Variants in RAPGEF5 observed in about 807,000 individuals in gnomAD.
The protein encoded by RAPGEF5 is Rap guanine nucleotide exchange factor 5, also known as M-Ras-regulated GEF.
A neutral mutation model predicts 125.2 loss-of-function variants in RAPGEF5; 65 were observed. The observed-to-expected ratio is 0.52, with a 90% CI of 0.43 to 0.64. The LOEUF is 0.64. Ranked by LOEUF, RAPGEF5 falls within the 30% of genes least tolerant of loss-of-function variation. RAPGEF5 has a pLI of 0.00. For synonymous variants in RAPGEF5, 391 were observed against 385.9 expected (o/e 1.01, Z -0.16); for missense variants, 958 against 1,048.1 (o/e 0.91, Z 1.19).
intron 1 of RAPGEF5, 134 bp downstream of exon 1, chr7:22,356,696 G>T: frequency 2.5e-6 from 1 of 398,206 alleles, no homozygotes; most frequent in Non-Finnish European, 3.6e-6. Context: ...CCCCTCTTCA[G>T]CCGAGTCCGG....
chr7:22,216,900 T>G (rs983780443), intron 9 of RAPGEF5, among the ~76,000 whole-genome samples: 2 of 152,222 alleles, frequency 1.3e-5, no homozygotes, highest in Non-Finnish European at 2.9e-5. Flanking sequence ...CATTTAGCAG[T>G]TAAGAAAATA....
chr7:22,351,213 T>C (rs1316575106), intron 1 of RAPGEF5, among the ~76,000 whole-genome samples: 1 of 152,172 alleles, frequency 6.6e-6, no homozygotes, highest in Non-Finnish European at 1.5e-5. Flanking sequence ...TTGAGCTATT[T>C]TTAATTTAAG....
rs947685276 is a variant in RAPGEF5 at position 22,228,322 on chromosome 7, A to C, written c.870+2524T>G. On this transcript the variant is annotated intron_variant, in intron 8 of 25. Coordinates refer to ENST00000665637, the MANE Select transcript of RAPGEF5 (RefSeq NM_012294.5). ...GCACATCTATAAAGTGGTAGTAATT[A>C]AACTATCTATCCTGGAGGGTTTGCT... Among the ~76,000 whole-genome samples the C allele has an allele frequency of 2.0e-5, 3 of 152,200 alleles. No individual in the cohort carries two copies. The South Asian group carries it at 6.2e-4, about 32-fold the overall frequency.
chr7:22,135,414 G>C (rs771638042), intron 23 of RAPGEF5, among the ~76,000 whole-genome samples: 2 of 152,188 alleles, frequency 1.3e-5, no homozygotes, highest in Non-Finnish European at 2.9e-5. Flanking sequence ...GTTTGAAAGA[G>C]AGATCACTGA....
At chr7:22,354,376 C>T (rs1784383174) in intron 1 of RAPGEF5, among the ~76,000 whole-genome samples, 1 of 152,156 alleles carries the variant, frequency 6.6e-6, no homozygotes, top group Non-Finnish European at 1.5e-5. Flanking sequence ...CCATGAGACA[C>T]AAAGCTGAAG....
intron 11 of RAPGEF5, among the ~76,000 whole-genome samples, chr7:22,169,859 CAAAA>C (rs71026858): frequency 3.5e-4 from 9 of 25,946 alleles, no homozygotes; most frequent in African/African-American, 6.1e-4. Flanking sequence ...GACTCTGTGT[CAAAA>C]AAAAAAAAAA....
chr7:22,168,630 G>T (rs182560013), intron 11 of RAPGEF5, among the ~76,000 whole-genome samples: 2 of 152,158 alleles, frequency 1.3e-5, no homozygotes, highest in Non-Finnish European at 2.9e-5. Flanking sequence ...GGAATAACCA[G>T]TAATATTTAC....
At chr7:22,331,110 A>G (rs1783908047) in intron 1 of RAPGEF5, among the ~76,000 whole-genome samples, 1 of 152,172 alleles carries the variant, frequency 6.6e-6, no homozygotes, top group Non-Finnish European at 1.5e-5. Flanking sequence ...CTCAGGCTTC[A>G]GCATGCAAAC....
At chr7:22,347,335 A>AT (rs1226172271) in intron 1 of RAPGEF5, among the ~76,000 whole-genome samples, 1 of 152,206 alleles carries the variant, frequency 6.6e-6, no homozygotes, top group Non-Finnish European at 1.5e-5. Context: ...GATTGTTTGT[A>AT]TACCCCATGT....
chr7:22,193,818 G>A (rs1339974118), intron 10 of RAPGEF5, 97 bp downstream of exon 10: 1 of 1,611,478 alleles, frequency 6.2e-7, no homozygotes, highest in South Asian at 1.1e-5. Flanking sequence ...GAGGGTAGAG[G>A]AGGCAGAGAG....
chr7:22,289,139 T>C (rs1174517006), intron 6 of RAPGEF5, among the ~76,000 whole-genome samples: 1 of 152,198 alleles, frequency 6.6e-6, no homozygotes, highest in Non-Finnish European at 1.5e-5. Flanking sequence ...ACGACTTTAC[T>C]TATTCACCAC....
At chr7:22,188,764 CAA>C (rs1180031530) in intron 11 of RAPGEF5, among the ~76,000 whole-genome samples, 10 of 51,896 alleles carry the variant, frequency 1.9e-4, no homozygotes, top group Admixed American at 2.1e-4. Context: ...GACTCCGTCT[CAA>C]AAAAAAAAAA....
chr7:22,150,881 T>C (rs1316599208), intron 17 of RAPGEF5, among the ~76,000 whole-genome samples: 1 of 152,238 alleles, frequency 6.6e-6, no homozygotes, highest in Non-Finnish European at 1.5e-5. Flanking sequence ...CATGTATATA[T>C]ATACACACAC....
chr7:22,262,919 C>T lies in RAPGEF5; in HGVS notation c.796+4045G>A, dbSNP rs941202764. Among the ~76,000 whole-genome samples the T allele has an allele frequency of 3.3e-5, 5 of 152,242 alleles. No individual in the cohort carries two copies. In the East Asian group the frequency reaches 5.8e-4, roughly 18 times the overall value. ...GGTCAAGGCTGTAGTGAGCCGGTAT[C>T]GTGCCACTGCACTGCAGCCTGGGTG... On this transcript the variant is annotated intron_variant, in intron 7 of 25. Coordinates refer to ENST00000665637, the MANE Select transcript of RAPGEF5 (RefSeq NM_012294.5).
At position 22,315,428 on chromosome 7, in the gene RAPGEF5, T is replaced by C. The variant is rs557176365; in HGVS notation, c.331A>G (p.Ile111Val). 3.3e-6 allele frequency: 5 copies of C among 1,534,076 alleles called. No homozygotes were observed. The Admixed American group carries it at 6.3e-5, about 19-fold the overall frequency. Residue 111 changes from isoleucine to valine, a missense_variant, in exon 3 of 26, where the codon ATT (isoleucine) becomes GTT (valine). Ile to Val is a conservative substitution (Grantham distance 29). Coordinates refer to ENST00000665637, the MANE Select transcript of RAPGEF5 (RefSeq NM_012294.5). ...ATCAGGTCAGCTGCTTGAACGATAA[T>C]AATATTCCTCAATGCTCTTCCTGCA... The part of the protein sequence containing the change: ...SCAGRALRNI[I>V]IVQAADLIKD...
intron 22 of RAPGEF5, among the ~76,000 whole-genome samples, chr7:22,136,562 T>C (rs924996647): frequency 6.6e-6 from 1 of 151,790 alleles, no homozygotes; most frequent in Non-Finnish European, 1.5e-5. Flanking sequence ...ACTATAATTT[T>C]TAAAAATCTC....
chr7:22,180,419 C>A (rs1159740688), intron 11 of RAPGEF5, among the ~76,000 whole-genome samples: 2 of 152,126 alleles, frequency 1.3e-5, no homozygotes, highest in Admixed American at 1.3e-4. Flanking sequence ...GTGTGACGGG[C>A]AAGTGTGCTC....
chr7:22,302,524 GCCTATCCACTCGCAA>G (rs1466554029), intron 5 of RAPGEF5, among the ~76,000 whole-genome samples: 9 of 152,228 alleles, frequency 5.9e-5, no homozygotes, highest in Non-Finnish European at 1.2e-4. Context: ...GGAGCTGGCT[GCCTATCCACTCGCAA>G]GACCAGTGAG....
At chr7:22,346,507 G>A (rs1211031483) in intron 1 of RAPGEF5, among the ~76,000 whole-genome samples, 1 of 152,136 alleles carries the variant, frequency 6.6e-6, no homozygotes, top group Non-Finnish European at 1.5e-5. Context: ...GCAAGCAGAA[G>A]TGATAAGCTG....
Sources: allele counts gnomAD v4.1 joint callset (sites outside exome capture counted in the v4.1 genomes callset), GRCh38; gene constraint gnomAD v4.1.1; transcripts MANE v1.5; gene names NCBI Gene and HGNC (gene_info 2026-07-23, HGNC 2026-07-21).